Variants in GALNT17 observed in about 807,000 individuals in gnomAD.
GALNT17 encodes UDP-GalNAc:polypeptide N-acetylgalactosaminyltransferase-like 3.
GALNT17 carries 29 observed loss-of-function variants against 63.7 expected under a neutral mutation model. The observed-to-expected ratio is 0.46, with a 90% confidence interval of 0.34 to 0.62. The LOEUF (loss-of-function observed/expected upper bound fraction) is 0.62. GALNT17 is among the 20% of genes least tolerant of loss of function. The pLI is 0.01. For synonymous variants in GALNT17, 305 were observed against 318.3 expected (o/e 0.96, Z 0.45); for missense variants, 603 against 799.6 (o/e 0.75, Z 2.97).
At chr7:71,150,111 C>T (rs1022197373) in intron 1 of GALNT17, among the ~76,000 whole-genome samples, 4 of 152,138 alleles carry the variant, frequency 2.6e-5, no homozygotes, top group African/African-American at 7.2e-5. Context: ...CCAGGGCACC[C>T]TTCTCATTCC....
chr7:71,508,196 A>G (rs1402223093), intron 5 of GALNT17, among the ~76,000 whole-genome samples: 1 of 152,182 alleles, frequency 6.6e-6, no homozygotes, highest in Admixed American at 6.5e-5. Flanking sequence ...TTTTAGAGCC[A>G]GAGACCTGGT....
chr7:71,564,116 G>A (rs1789298937), intron 5 of GALNT17, among the ~76,000 whole-genome samples: 1 of 151,944 alleles, frequency 6.6e-6, no homozygotes, highest in African/African-American at 2.4e-5. Context: ...AGCACTATAG[G>A]GAAGACTTGG....
Position 71,513,382 on chromosome 7 carries a change from G to A in GALNT17, c.963-57903G>A, listed in dbSNP as rs1038487268. Reference sequence around the variant, plus strand: ...CCTTGGTGTTTTTTTTTGTTTTTTTGTTTTTTTGTTTTTTGGTTTTTGAGA... The same window carrying A: ...CCTTGGTGTTTTTTTTTGTTTTTTTATTTTTTTGTTTTTTGGTTTTTGAGA... On this transcript the variant is annotated intron_variant, in intron 5 of 10. Coordinates refer to ENST00000333538, the MANE Select transcript of GALNT17 (RefSeq NM_022479.3). Among the ~76,000 whole-genome samples the A allele has an allele frequency of 4.0e-5, 6 of 151,062 alleles. No individual in the cohort carries two copies. In the South Asian group the frequency reaches 1.3e-3, roughly 32 times the overall value.
chr7:71,581,892 G>A (rs1179012770), intron 6 of GALNT17, among the ~76,000 whole-genome samples: 1 of 152,126 alleles, frequency 6.6e-6, no homozygotes, highest in Non-Finnish European at 1.5e-5. Flanking sequence ...TGGCAGAGGG[G>A]TGCCAGGACA....
chr7:71,430,170 A>G (rs1786834685), intron 5 of GALNT17, among the ~76,000 whole-genome samples: 1 of 152,182 alleles, frequency 6.6e-6, no homozygotes, highest in Non-Finnish European at 1.5e-5. Flanking sequence ...TTGACAAAAA[A>G]AACTACCATA....
chr7:71,284,076 G>A (rs554960469), intron 1 of GALNT17: 2 of 152,100 alleles, frequency 1.3e-5, no homozygotes, highest in East Asian at 3.9e-4. Flanking sequence ...GGTTCTTTTC[G>A]GTGCTGTGGA....
intron 8 of GALNT17, among the ~76,000 whole-genome samples, chr7:71,675,053 G>C (rs369417829): frequency 8.5e-5 from 13 of 152,172 alleles, no homozygotes; most frequent in African/African-American, 3.1e-4. Context: ...GTGTGGTGGC[G>C]CGTGCCTGTA....
At chr7:71,278,112 G>A (rs757781516) in intron 1 of GALNT17, among the ~76,000 whole-genome samples, 1 of 152,168 alleles carries the variant, frequency 6.6e-6, no homozygotes, top group Non-Finnish European at 1.5e-5. Flanking sequence ...TAATAATAAT[G>A]ATACTAAGAA....
At chr7:71,282,595 C>A (rs1045662483) in intron 1 of GALNT17, among the ~76,000 whole-genome samples, 1 of 151,994 alleles carries the variant, frequency 6.6e-6, no homozygotes, top group African/African-American at 2.4e-5. Context: ...TGCATAAGGG[C>A]AGAGGAGGGA....
At chr7:71,711,009 G>C (rs1791784361) in intron 10 of GALNT17, 81 bp downstream of exon 10, 2 of 1,520,502 alleles carry the variant, frequency 1.3e-6, no homozygotes, top group Non-Finnish European at 1.8e-6. Context: ...TGCTTCCCCA[G>C]GGGTCCCCAG....
intron 1 of GALNT17, among the ~76,000 whole-genome samples, chr7:71,311,834 A>C (rs1209191062): frequency 6.6e-6 from 1 of 152,188 alleles, no homozygotes; most frequent in Non-Finnish European, 1.5e-5. Flanking sequence ...GTGATTGCTG[A>C]GATGCAAGGA....
intron 9 of GALNT17, among the ~76,000 whole-genome samples, chr7:71,687,687 G>A (rs1431972038): frequency 6.6e-6 from 1 of 152,032 alleles, no homozygotes; most frequent in Non-Finnish European, 1.5e-5. Flanking sequence ...TAGACCTTCT[G>A]GAAAACAGAG....
intron 2 of GALNT17, among the ~76,000 whole-genome samples, chr7:71,366,905 A>G (rs142455467): frequency 7.6e-4 from 116 of 152,236 alleles, no homozygotes; most frequent in African/African-American, 2.6e-3. Context: ...TTCTTTGACT[A>G]TTACAGAGGT....
At position 71,231,751 on chromosome 7, in the gene GALNT17, A is replaced by G. The variant is rs527679534; in HGVS notation, c.238+98711A>G. On this transcript the variant is annotated intron_variant, in intron 1 of 10. Coordinates refer to ENST00000333538, the MANE Select transcript of GALNT17 (RefSeq NM_022479.3). ...GGGAGAGAGAGAGGGAGGGAGAGGGAGAGAGAGAGAGAGGGAGAGGGAGAG... is the reference window on the plus strand; with the variant it reads ...GGGAGAGAGAGAGGGAGGGAGAGGGGGAGAGAGAGAGAGGGAGAGGGAGAG... Among the ~76,000 whole-genome samples, 316 of 148,938 alleles carry G rather than the reference A, an allele frequency of 2.1e-3. 2 individuals carry two copies. Among genetic ancestry groups the G allele is most frequent in the Middle Eastern group, 7.1e-3 (2 of 282 alleles).
At chr7:71,500,832 A>C (rs981966456) in intron 5 of GALNT17, among the ~76,000 whole-genome samples, 3 of 152,134 alleles carry the variant, frequency 2.0e-5, no homozygotes, top group African/African-American at 7.2e-5. Flanking sequence ...CCACCATAGT[A>C]AGAGCCGTAG....
intron 6 of GALNT17, among the ~76,000 whole-genome samples, chr7:71,571,641 G>T (rs1014876177): frequency 6.6e-6 from 1 of 152,090 alleles, no homozygotes; most frequent in Non-Finnish European, 1.5e-5. Flanking sequence ...CCCACTCTGG[G>T]CATTAGCTGG....
chr7:71,381,657 T>G (rs1792849718), intron 2 of GALNT17, among the ~76,000 whole-genome samples: 1 of 152,122 alleles, frequency 6.6e-6, no homozygotes, highest in Non-Finnish European at 1.5e-5. Context: ...TGCATGCCTG[T>G]AATCCCAGCT....
At chr7:71,181,949 G>T (rs1365166521) in intron 1 of GALNT17, among the ~76,000 whole-genome samples, 2 of 152,090 alleles carry the variant, frequency 1.3e-5, no homozygotes, top group Non-Finnish European at 2.9e-5. Context: ...GCCAAGGCGG[G>T]CGGATCACCG....
intron 6 of GALNT17, among the ~76,000 whole-genome samples, chr7:71,656,985 C>G (rs1482322232): frequency 6.6e-6 from 1 of 152,082 alleles, no homozygotes; most frequent in East Asian, 1.9e-4. Context: ...ATCAGGGCAC[C>G]CAGGGTTCTC....
Sources: allele counts gnomAD v4.1 joint callset (sites outside exome capture counted in the v4.1 genomes callset), GRCh38; gene constraint gnomAD v4.1.1; transcripts MANE v1.5; gene names NCBI Gene and HGNC (gene_info 2026-07-23, HGNC 2026-07-21).